Variants in PTPRM observed in about 807,000 individuals in gnomAD.
The protein encoded by PTPRM is protein tyrosine phosphatase receptor type M.
In PTPRM, 47 loss-of-function variants were observed where a neutral mutation model predicts 186.7. That is an observed-to-expected ratio of 0.25 (90% confidence interval 0.20 to 0.32). The LOEUF (loss-of-function observed/expected upper bound fraction) is 0.32. Ranked by LOEUF, PTPRM falls within the 10% of genes least tolerant of loss-of-function variation. The pLI is 1.00. For synonymous variants in PTPRM, 668 were observed against 674.9 expected, an observed-to-expected ratio of 0.99 and a Z score of 0.16; for missense variants, 1,494 against 1,865.0, an observed-to-expected ratio of 0.80 and a Z score of 3.66.
chr18:7,788,160 G>A (rs1275437421), intron 2 of PTPRM, among the ~76,000 whole-genome samples: 1 of 152,174 alleles, frequency 6.6e-6, no homozygotes, highest in African/African-American at 2.4e-5. Flanking sequence ...GATTTTGGAA[G>A]CATTGCAAAA....
At chr18:8,145,000 C>G (rs2092848342) in intron 14 of PTPRM, among the ~76,000 whole-genome samples, 1 of 152,120 alleles carries the variant, frequency 6.6e-6, no homozygotes, top group Admixed American at 6.5e-5. Flanking sequence ...GGGCCTGAGA[C>G]TGTTGATGGC....
chr18:8,123,350 G>A (rs963420550), intron 13 of PTPRM, among the ~76,000 whole-genome samples: 3 of 152,200 alleles, frequency 2.0e-5, no homozygotes, highest in African/African-American at 4.8e-5. Flanking sequence ...TAACATTTAA[G>A]AAAATGGTAA....
chr18:7,689,302 G>C (rs1449769396), intron 1 of PTPRM, among the ~76,000 whole-genome samples: 1 of 152,214 alleles, frequency 6.6e-6, no homozygotes, highest in African/African-American at 2.4e-5. Flanking sequence ...GTTCTAGGCA[G>C]TGTCATCTCA....
At chr18:7,722,730 A>T (rs922986365) in intron 1 of PTPRM, among the ~76,000 whole-genome samples, 1 of 152,220 alleles carries the variant, frequency 6.6e-6, no homozygotes, top group African/African-American at 2.4e-5. Context: ...TGTTTACAAC[A>T]CATCATATAT....
chr18:7,617,986 G>T (rs575305877), intron 1 of PTPRM, among the ~76,000 whole-genome samples: 87 of 152,306 alleles, frequency 5.7e-4, no homozygotes, highest in Non-Finnish European at 1.0e-3. Flanking sequence ...GCAGAGACTG[G>T]GCTCTTGAGA....
intron 19 of PTPRM, among the ~76,000 whole-genome samples, chr18:8,282,872 A>C (rs1235865269): frequency 6.6e-6 from 1 of 152,218 alleles, no homozygotes; most frequent in Non-Finnish European, 1.5e-5. Flanking sequence ...ACTCTAGTAC[A>C]TCCATATACC....
At chr18:7,941,269 G>A (rs1204826965) in intron 5 of PTPRM, among the ~76,000 whole-genome samples, 6 of 152,244 alleles carry the variant, frequency 3.9e-5, no homozygotes, top group East Asian at 3.9e-4. Flanking sequence ...ATGCTCTGCC[G>A]AAAGCCTGAG....
At chr18:7,653,266 C>T (rs529839974) in intron 1 of PTPRM, among the ~76,000 whole-genome samples, 31 of 151,892 alleles carry the variant, frequency 2.0e-4, no homozygotes, top group African/African-American at 7.0e-4. Context: ...CCCAGGTCAG[C>T]CTCCCAAGTA....
At chr18:8,358,437 G>T (rs2095576803) in intron 23 of PTPRM, among the ~76,000 whole-genome samples, 1 of 152,208 alleles carries the variant, frequency 6.6e-6, no homozygotes, top group Non-Finnish European at 1.5e-5. Flanking sequence ...TGAATTTCCT[G>T]TGGGGAAGAC....
At chr18:7,641,078 G>A (rs1212794664) in intron 1 of PTPRM, among the ~76,000 whole-genome samples, 1 of 152,186 alleles carries the variant, frequency 6.6e-6, no homozygotes, top group East Asian at 1.9e-4. Flanking sequence ...CAACATGCAG[G>A]TCTTTTCAGC....
At chr18:8,207,890 T>C (rs2093951762) in intron 14 of PTPRM, among the ~76,000 whole-genome samples, 1 of 152,194 alleles carries the variant, frequency 6.6e-6, no homozygotes, top group Non-Finnish European at 1.5e-5. Flanking sequence ...AAAAAGTGTA[T>C]GTTTGTGTGT....
chr18:7,760,508 G>A (rs2041719739), intron 1 of PTPRM, among the ~76,000 whole-genome samples: 1 of 152,194 alleles, frequency 6.6e-6, no homozygotes, highest in East Asian at 1.9e-4. Context: ...CTCGTGGGCT[G>A]AGAGAGCCTG....
chr18:8,073,352 G>A (rs1390407137), intron 8 of PTPRM, among the ~76,000 whole-genome samples: 1 of 152,204 alleles, frequency 6.6e-6, no homozygotes, highest in Non-Finnish European at 1.5e-5. Context: ...GAAAACTGAT[G>A]ATGTCATCAT....
At chr18:8,086,919 T>C (rs187676472) in intron 10 of PTPRM, among the ~76,000 whole-genome samples, 15 of 152,174 alleles carry the variant, frequency 9.9e-5, no homozygotes, top group Admixed American at 9.2e-4. Flanking sequence ...TAGAATTAGG[T>C]TATAGAAACA....
At chr18:7,681,654 C>A (rs148600377) in intron 1 of PTPRM, among the ~76,000 whole-genome samples, 1 of 152,030 alleles carries the variant, frequency 6.6e-6, no homozygotes, top group East Asian at 1.9e-4. Context: ...GGTGTAATTA[C>A]CAAATGCTGA....
intron 14 of PTPRM, among the ~76,000 whole-genome samples, chr18:8,162,292 G>A (rs916959723): frequency 6.6e-6 from 1 of 151,952 alleles, no homozygotes; most frequent in Non-Finnish European, 1.5e-5. Context: ...GTACAAACAG[G>A]GTTTCACCAT....
At chr18:7,718,900 AT>A (rs1449897540) in intron 1 of PTPRM, among the ~76,000 whole-genome samples, 1 of 152,186 alleles carries the variant, frequency 6.6e-6, no homozygotes, top group Non-Finnish European at 1.5e-5. Context: ...AAAATAATAG[AT>A]GTTGGTATGG....
intron 1 of PTPRM, among the ~76,000 whole-genome samples, chr18:7,753,785 C>T (rs1186697787): frequency 2.0e-5 from 3 of 151,866 alleles, no homozygotes; most frequent in Non-Finnish European, 2.9e-5. Context: ...TTGTTTTGGC[C>T]GTATTTGCTA....
intron 1 of PTPRM, among the ~76,000 whole-genome samples, chr18:7,657,867 G>T (rs1172758214): frequency 6.6e-6 from 1 of 152,204 alleles, no homozygotes; most frequent in Non-Finnish European, 1.5e-5. Context: ...GAAGAACATT[G>T]TGTTGTCACC....
Sources: gnomAD v4.1 joint callset for allele counts (sites outside exome capture counted in the v4.1 genomes callset) on GRCh38, gnomAD v4.1.1 for gene constraint, MANE v1.5 for transcripts, NCBI Gene and HGNC (gene_info 2026-07-23, HGNC 2026-07-21) for gene names.